TNNI3K: variants seen among roughly 807,000 people sequenced by gnomAD.
TNNI3K encodes the protein TNNI3 interacting kinase, also known as serine/threonine-protein kinase TNNI3K.
Under a neutral mutation model 114.5 loss-of-function variants are expected in TNNI3K, and 140 were observed. The observed-to-expected ratio is 1.22, with a 90% CI of 1.07 to 1.41. TNNI3K has a LOEUF of 1.41. Ranked by LOEUF, TNNI3K falls within the 40% of genes most tolerant of loss-of-function variation. The pLI is 0.00. For synonymous variants in TNNI3K, 347 were observed against 347.5 expected (o/e 1.00, Z 0.02); for missense variants, 1,125 against 1,007.6 (o/e 1.12, Z -1.58).
chr1:74,384,934 C>T (rs1207450227), intron 17 of TNNI3K, among the ~76,000 whole-genome samples: 1 of 151,968 alleles, frequency 6.6e-6, no homozygotes, highest in Non-Finnish European at 1.5e-5. Context: ...TTAAATATTC[C>T]TTATGGTTTC....
intron 17 of TNNI3K, among the ~76,000 whole-genome samples, chr1:74,428,125 G>A (rs1665721811): frequency 6.6e-6 from 1 of 152,012 alleles, no homozygotes; most frequent in Admixed American, 6.6e-5. Flanking sequence ...ACAATCCTTT[G>A]CATTTATTGG....
intron 5 of TNNI3K, among the ~76,000 whole-genome samples, chr1:74,295,774 G>A (rs907311459): frequency 5.3e-5 from 8 of 151,788 alleles, no homozygotes; most frequent in African/African-American, 1.5e-4. Flanking sequence ...AGAAATATTC[G>A]TATTTTAAAA....
intron 23 of TNNI3K, among the ~76,000 whole-genome samples, chr1:74,530,656 G>A (rs879149442): frequency 2.6e-5 from 4 of 152,008 alleles, no homozygotes; most frequent in African/African-American, 4.8e-5. Flanking sequence ...TTGGTAAGAT[G>A]GTAGGTGGGA....
chr1:74,236,194 C>T lies in TNNI3K; in HGVS notation c.133C>T (p.Leu45=). 1 of 1,605,602 alleles carries T rather than the reference C, an allele frequency of 6.2e-7. No individual in the cohort carries two copies. Among genetic ancestry groups the T allele is most frequent in the South Asian group, 1.1e-5 (1 of 90,580 alleles). Residue 45 remains leucine (L), a synonymous_variant, in exon 2 of 25, where the codon CTA becomes TTA. Transcript: ENST00000326637. ...GATCAAGGAAAAAGAACTGACAGAA[C>T]TAAGGAATATATTTGGGTAAAGTTG... ...LQIKEKELTE[L]RNIFGSDEAF...
At position 74,436,884 on chromosome 1, in the gene TNNI3K, C is replaced by T. The variant is rs140606891; in HGVS notation, c.1878+358C>T. Among the ~76,000 whole-genome samples, 633 of 152,108 alleles carry T rather than the reference C, an allele frequency of 4.2e-3. 2 individuals carry two copies. The highest frequency in any genetic ancestry group is 0.015 in the African/African-American group (605 of 41,514). On this transcript the variant is annotated intron_variant, in intron 19 of 24. Coordinates refer to ENST00000326637, the MANE Select transcript of TNNI3K (RefSeq NM_015978.3). ...ACTCACAATAAAATTAGTAGTTCAT[C>T]AGCATCTATTAACTATTCATCGTTC...
rs1487290398 is a variant in TNNI3K, at chr1:74,424,379, A to G, written c.1773-11701A>G. On this transcript the variant is annotated intron_variant, in intron 17 of 24. Coordinates refer to ENST00000326637, the MANE Select transcript of TNNI3K (RefSeq NM_015978.3). Reference sequence around the variant, plus strand: ...TGGATTGAAGAGGGGATGGTCAGTGAAGATGTAGAAGCAGAAAACCCTTTA... The same window carrying G: ...TGGATTGAAGAGGGGATGGTCAGTGGAGATGTAGAAGCAGAAAACCCTTTA... 2.0e-5 allele frequency among the ~76,000 whole-genome samples: 3 copies of G among 152,202 alleles called. No individual in the cohort carries two copies. In the East Asian group the frequency reaches 5.8e-4, roughly 29 times the overall value.
intron 23 of TNNI3K, among the ~76,000 whole-genome samples, chr1:74,534,464 C>G (rs1004005882): frequency 1.3e-5 from 2 of 152,032 alleles, no homozygotes; most frequent in Non-Finnish European, 2.9e-5. Context: ...GCTCCAATAC[C>G]AAAAACATTT....
At chr1:74,489,849 A>C (rs190595824) in intron 22 of TNNI3K, among the ~76,000 whole-genome samples, 157 of 152,204 alleles carry the variant, frequency 1.0e-3, no homozygotes, top group African/African-American at 3.5e-3. Flanking sequence ...GAGCTAAAAC[A>C]TGCACACTAC....
At chr1:74,278,093 A>C (rs1305246271) in intron 5 of TNNI3K, among the ~76,000 whole-genome samples, 2 of 151,570 alleles carry the variant, frequency 1.3e-5, no homozygotes, top group East Asian at 3.9e-4. Context: ...CTCCAAAGGC[A>C]CAAATGACAG....
At chr1:74,340,087 G>A (rs1660676547) in intron 7 of TNNI3K, among the ~76,000 whole-genome samples, 1 of 151,980 alleles carries the variant, frequency 6.6e-6, no homozygotes, top group Admixed American at 6.6e-5. Flanking sequence ...AGACAGACCT[G>A]GGAGTAATTT....
chr1:74,542,564 C>T (rs1646739216), intron 24 of TNNI3K, among the ~76,000 whole-genome samples: 1 of 152,182 alleles, frequency 6.6e-6, no homozygotes, highest in Non-Finnish European at 1.5e-5. Flanking sequence ...GACCAGTTGA[C>T]AGGAGTATCA....
chr1:74,253,358 G>A (rs1192107295), intron 4 of TNNI3K, among the ~76,000 whole-genome samples: 4 of 152,204 alleles, frequency 2.6e-5, no homozygotes, highest in African/African-American at 9.6e-5. Flanking sequence ...CCCTTGGGCA[G>A]TCAATGGGAT....
In TNNI3K at chr1:74,537,876, C is replaced by T. The variant is rs561683052; in HGVS notation, c.2352-2358C>T. On this transcript the variant is annotated intron_variant, in intron 23 of 24. Transcript: ENST00000326637. ...TTATTGAGTGCTTACTAAATTTCAG[C>T]AATGTTCAAAGTGCTTTAAATTTAT... Among the ~76,000 whole-genome samples, 4 of 152,262 alleles carry T rather than the reference C, an allele frequency of 2.6e-5. No individual in the cohort carries two copies. In the South Asian group the frequency reaches 8.3e-4, roughly 32 times the overall value.
chr1:74,471,062 G>A lies in TNNI3K; in HGVS notation c.2121+7512G>A, dbSNP rs1667903781. 1.5e-5 allele frequency: 6 copies of A among 400,634 alleles called. No homozygotes were observed. The South Asian group carries it at 7.5e-4, about 50-fold the overall frequency. The allele number at this position is 400,634 out of a possible 1,614,324, so 24.8% of individuals were successfully genotyped here. Reference sequence around the variant, plus strand: ...ATTTGCTCAGTTGAGAATTGAGAATGTGAGTGCCTGTGCTCAGCATCAGTG... The same window carrying A: ...ATTTGCTCAGTTGAGAATTGAGAATATGAGTGCCTGTGCTCAGCATCAGTG... On this transcript the variant is annotated intron_variant, in intron 21 of 24. Transcript: ENST00000326637.
At chr1:74,251,022 T>TCC (rs45532237) in intron 4 of TNNI3K, among the ~76,000 whole-genome samples, 199 of 152,220 alleles carry the variant, frequency 1.3e-3, no homozygotes, top group African/African-American at 4.6e-3. Context: ...ATGATTATTA[T>TCC]CCCCAAGGTT....
At chr1:74,492,364 C>A in intron 23 of TNNI3K, 98 bp downstream of exon 23, 1 of 1,316,090 alleles carries the variant, frequency 7.6e-7, no homozygotes, top group Non-Finnish European at 9.8e-7. Flanking sequence ...GGTTTGATTA[C>A]CCCCTGAAAA....
chr1:74,423,501 A>G (rs1665494709), intron 17 of TNNI3K, among the ~76,000 whole-genome samples: 1 of 152,138 alleles, frequency 6.6e-6, no homozygotes, highest in Non-Finnish European at 1.5e-5. Context: ...AACAATGTGG[A>G]TTCTAATCAT....
At chr1:74,308,777 A>G (rs1024948487) in intron 5 of TNNI3K, among the ~76,000 whole-genome samples, 16 of 152,314 alleles carry the variant, frequency 1.1e-4, no homozygotes, top group African/African-American at 3.8e-4. Flanking sequence ...AAAGAAAAAA[A>G]GAGAGAAGAC....
chr1:74,259,605 T>C (rs1655544884), intron 4 of TNNI3K, among the ~76,000 whole-genome samples: 1 of 152,056 alleles, frequency 6.6e-6, no homozygotes, highest in African/African-American at 2.4e-5. Context: ...AAACCTTGTC[T>C]CTACTAAAAA....
Sources: allele counts gnomAD v4.1 joint callset (sites outside exome capture counted in the v4.1 genomes callset), GRCh38; gene constraint gnomAD v4.1.1; transcripts MANE v1.5; gene names NCBI Gene and HGNC (gene_info 2026-07-23, HGNC 2026-07-21).